Variants in MCPH1 observed in about 807,000 individuals in gnomAD.
MCPH1 encodes microcephalin 1.
MCPH1 carries 104 observed loss-of-function variants against 84.5 expected under a neutral mutation model. The observed-to-expected ratio is 1.23, with a 90% CI of 1.05 to 1.45. MCPH1 has a LOEUF of 1.45. MCPH1 is among the 40% of genes most tolerant of loss of function. The pLI, the probability that MCPH1 is intolerant of heterozygous loss-of-function variation, is 0.00. For synonymous variants in MCPH1, 514 were observed against 366.8 expected (o/e 1.40, Z -4.58); for missense variants, 1,498 against 1,005.7 (o/e 1.49, Z -6.62).
chr8:6,436,080 TAA>T lies in MCPH1; in HGVS notation c.357_358del (p.Lys119AsnfsTer5), dbSNP rs1384814026. 1 of 1,613,820 alleles carries T rather than the reference TAA, an allele frequency of 6.2e-7. No homozygotes were observed. The highest frequency in any genetic ancestry group is 8.5e-7 in the Non-Finnish European group (1 of 1,179,844). On this transcript the variant is annotated frameshift_variant, in exon 5 of 14. Transcript: ENST00000344683. LOFTEE classifies it high-confidence loss of function. ...KCMQPKDFNF[K>X]TPENDKRFQK... The stretch of plus-strand genomic sequence containing the variant: ...GTATGCAGCCCAAAGATTTTAATTT[TAA>T]AACACCAGAAAATGATAAGAGATTT...
At chr8:6,462,648 C>T (rs1806408047) in intron 9 of MCPH1, among the ~76,000 whole-genome samples, 1 of 152,180 alleles carries the variant, frequency 6.6e-6, no homozygotes, top group East Asian at 1.9e-4. Flanking sequence ...AGTCCCATCT[C>T]TGTTACTCAC....
chr8:6,568,099 C>G (rs956302514), intron 12 of MCPH1, among the ~76,000 whole-genome samples: 1 of 152,200 alleles, frequency 6.6e-6, no homozygotes, highest in Non-Finnish European at 1.5e-5. Flanking sequence ...CCATAGCTAC[C>G]TACTCCCAGA....
At chr8:6,513,745 A>G (rs1452370812) in intron 12 of MCPH1, 1 of 1,613,830 alleles carries the variant, frequency 6.2e-7, no homozygotes, top group Admixed American at 1.7e-5. Context: ...TTCCCTTCCC[A>G]GTCTTTAAGG....
chr8:6,458,530 G>C (rs1031810035), intron 9 of MCPH1, among the ~76,000 whole-genome samples: 1 of 151,772 alleles, frequency 6.6e-6, no homozygotes, highest in African/African-American at 2.4e-5. Context: ...GGTTGAGTGA[G>C]TGTTTTAGGA....
At chr8:6,550,375 G>A (rs1823419198) in intron 12 of MCPH1, among the ~76,000 whole-genome samples, 1 of 152,218 alleles carries the variant, frequency 6.6e-6, no homozygotes, top group African/African-American at 2.4e-5. Context: ...CCCGACTGTA[G>A]GGCTGCACCC....
intron 12 of MCPH1, among the ~76,000 whole-genome samples, chr8:6,537,556 AT>A (rs1820732588): frequency 6.6e-6 from 1 of 151,486 alleles, no homozygotes; most frequent in South Asian, 2.1e-4. Context: ...ATATATATAT[AT>A]ATATGTTTAC....
intron 8 of MCPH1, 76 bp from the exon 9 acceptor site, chr8:6,455,067 T>C: frequency 6.6e-6 from 7 of 1,067,740 alleles, no homozygotes; most frequent in East Asian, 2.4e-5. Flanking sequence ...TATGCATAAA[T>C]GTGATTTTTG....
intron 12 of MCPH1, among the ~76,000 whole-genome samples, chr8:6,603,361 G>A (rs2129578437): frequency 6.6e-6 from 1 of 152,214 alleles, no homozygotes. Flanking sequence ...GATGACGGAA[G>A]TACTCTATAT....
chr8:6,610,056 C>T (rs1340111072), intron 12 of MCPH1, among the ~76,000 whole-genome samples: 1 of 152,174 alleles, frequency 6.6e-6, no homozygotes, highest in Non-Finnish European at 1.5e-5. Context: ...TGCCTGAGGC[C>T]TTTACTGCCA....
rs570413071 is a variant in MCPH1 at position 6,418,915 on chromosome 8, A to G, written c.233+4032A>G. ...TTTTAAGACTCATGGCTTTACTGTA[A>G]TATGTTTTGAATTGATCATTCCAGT... On this transcript the variant is annotated intron_variant, in intron 3 of 13. Transcript: ENST00000344683. Among the ~76,000 whole-genome samples the G allele has an allele frequency of 3.5e-4, 53 of 152,064 alleles. 1 individual carries two copies. In the South Asian group the frequency reaches 0.01, roughly 29 times the overall value.
chr8:6,518,174 G>A (rs537369976), intron 12 of MCPH1, among the ~76,000 whole-genome samples: 31 of 152,256 alleles, frequency 2.0e-4, no homozygotes, highest in African/African-American at 7.2e-4. Flanking sequence ...CATGGTTAGC[G>A]GCTGTCCCTC....
At chr8:6,587,028 C>G (rs374635792) in intron 12 of MCPH1, among the ~76,000 whole-genome samples, 1 of 151,816 alleles carries the variant, frequency 6.6e-6, no homozygotes, top group Non-Finnish European at 1.5e-5. Context: ...GCTTTTCATT[C>G]GGCTCAGCGC....
At chr8:6,409,415 T>C (rs1402267937) in intron 2 of MCPH1, 45 bp downstream of exon 2, 4 of 1,455,196 alleles carry the variant, frequency 2.7e-6, no homozygotes, top group Non-Finnish European at 3.9e-6. Context: ...AGTCTTCTGA[T>C]TGGTAAAAAG....
rs1252024553 is a variant in MCPH1, at chr8:6,592,614, C to CTTTTTTTTTTTTT, written c.2215-28832_2215-28831insTTTTTTTTTTTTT. Among the ~76,000 whole-genome samples, 60 of 65,436 alleles carry CTTTTTTTTTTTTT rather than the reference C, an allele frequency of 9.2e-4. 4 individuals carry two copies. Among genetic ancestry groups the CTTTTTTTTTTTTT allele is most frequent in the South Asian group, 1.6e-3 (3 of 1,826 alleles). The allele number at this position is 65,436 out of a possible 152,430, so 42.9% of individuals were successfully genotyped here. On this transcript the variant is annotated intron_variant, in intron 12 of 13. Transcript: ENST00000344683. ...GTCATCTAGGCTCTCGTTTTTCTTT[C>CTTTTTTTTTTTTT]TTTTTTTTGTTTTTTTTTTTTTTTT...
At chr8:6,632,448 C>T in intron 13 of MCPH1, among the ~76,000 whole-genome samples, 1 of 152,088 alleles carries the variant, frequency 6.6e-6, no homozygotes, top group East Asian at 1.9e-4. Context: ...ATCTATTCAC[C>T]TCATTTTACA....
chr8:6,436,314 CG>C, intron 5 of MCPH1, 152 bp downstream of exon 5: 1 of 856,264 alleles, frequency 1.2e-6, no homozygotes, highest in Non-Finnish European at 1.7e-6. Flanking sequence ...CAGGAGCCTG[CG>C]GGAGACTTGG....
chr8:6,550,303 C>T (rs1022353714), intron 12 of MCPH1, among the ~76,000 whole-genome samples: 2 of 152,138 alleles, frequency 1.3e-5, no homozygotes, highest in Admixed American at 1.3e-4. Flanking sequence ...GGGCATCTGC[C>T]TCTCCCTATG....
At chr8:6,463,164 TG>T (rs1806470706) in intron 9 of MCPH1, among the ~76,000 whole-genome samples, 1 of 152,206 alleles carries the variant, frequency 6.6e-6, no homozygotes, top group South Asian at 2.1e-4. Context: ...TGAGAACCTT[TG>T]TTTTGGGGGT....
chr8:6,412,154 G>C (rs1451290329), intron 2 of MCPH1, among the ~76,000 whole-genome samples: 2 of 152,176 alleles, frequency 1.3e-5, no homozygotes, highest in African/African-American at 4.8e-5. Context: ...GAGGTCAGTG[G>C]AGAGGAATCC....
Sources: gnomAD v4.1 joint callset for allele counts (sites outside exome capture counted in the v4.1 genomes callset) on GRCh38, gnomAD v4.1.1 for gene constraint, MANE v1.5 for transcripts, NCBI Gene and HGNC (gene_info 2026-07-23, HGNC 2026-07-21) for gene names.